The following ORC5 variants were observed in gnomAD, a reference collection of about 807,000 sequenced individuals.
ORC5 encodes origin recognition complex subunit 5.
ORC5 carries 39 observed loss-of-function variants against 58.8 expected under a neutral mutation model. The ratio of observed to expected loss-of-function variants is 0.66; its 90% CI spans 0.51 to 0.87. The LOEUF is 0.87. Ranked by LOEUF, ORC5 falls within the 40% of genes least tolerant of loss-of-function variation. The pLI is 0.00. For synonymous variants in ORC5, 218 were observed against 177.6 expected, an observed-to-expected ratio of 1.23 and a Z score of -1.81; for missense variants, 493 against 506.3, an observed-to-expected ratio of 0.97 and a Z score of 0.25.
chr7:104,198,706 G>A (rs1203259432), intron 3 of ORC5, among the ~76,000 whole-genome samples: 2 of 152,230 alleles, frequency 1.3e-5, no homozygotes, highest in African/African-American at 4.8e-5. Context: ...ATTTTCTGGG[G>A]AGAAATTCAA....
chr7:104,172,753 A>C (rs1422455886), intron 8 of ORC5, among the ~76,000 whole-genome samples: 1 of 152,216 alleles, frequency 6.6e-6, no homozygotes, highest in Non-Finnish European at 1.5e-5. Flanking sequence ...CTAAGTTCAC[A>C]TACGGCAGAC....
chr7:104,199,465 T>C (rs1799881001), intron 3 of ORC5, among the ~76,000 whole-genome samples: 1 of 152,234 alleles, frequency 6.6e-6, no homozygotes, highest in Non-Finnish European at 1.5e-5. Context: ...GTGGGCTGGA[T>C]GTGAGGCATG....
At position 104,126,752 on chromosome 7, in the gene ORC5, G is replaced by T; in HGVS notation, c.*96C>A. On this transcript the variant is annotated 3_prime_UTR_variant, in exon 14 of 14. Coordinates refer to ENST00000297431, the MANE Select transcript of ORC5 (RefSeq NM_002553.4). ...CACCTGTTTGGACAAATCCAATAGAGCCAAAGAACTCCTCTCCTTGGCCAG... is the reference window on the plus strand; with the variant it reads ...CACCTGTTTGGACAAATCCAATAGATCCAAAGAACTCCTCTCCTTGGCCAG... 1 of 833,022 alleles carries T rather than the reference G, an allele frequency of 1.2e-6. No individual in the cohort carries two copies. Among genetic ancestry groups the T allele is most frequent in the Non-Finnish European group, 1.9e-6 (1 of 515,834 alleles). The allele number at this position is 833,022 out of a possible 1,614,324, so 51.6% of individuals were successfully genotyped here.
At chr7:104,198,886 C>T (rs1370743089) in intron 3 of ORC5, among the ~76,000 whole-genome samples, 4 of 152,188 alleles carry the variant, frequency 2.6e-5, no homozygotes, top group Non-Finnish European at 5.9e-5. Context: ...TGTGCAGTCT[C>T]GGAACTTGGT....
At chr7:104,173,838 A>ATTTTTTTTT (rs746698932) in intron 8 of ORC5, among the ~76,000 whole-genome samples, 4 of 122,754 alleles carry the variant, frequency 3.3e-5, no homozygotes, top group Non-Finnish European at 5.3e-5. Context: ...TGGGTTTAAA[A>ATTTTTTTTT]TTTTTTCTTT....
intron 12 of ORC5, among the ~76,000 whole-genome samples, chr7:104,159,203 C>G (rs1459196515): frequency 1.3e-5 from 2 of 149,816 alleles, no homozygotes; most frequent in Admixed American, 1.3e-4. Flanking sequence ...TTGAAATCAT[C>G]ATTCTCAGTA....
At chr7:104,156,961 A>C (rs1233554941) in intron 12 of ORC5, among the ~76,000 whole-genome samples, 1 of 151,984 alleles carries the variant, frequency 6.6e-6, no homozygotes, top group African/African-American at 2.4e-5. Flanking sequence ...CAGAATGCAA[A>C]AACATTGCCA....
At chr7:104,187,036 C>T (rs1438132085) in intron 6 of ORC5, among the ~76,000 whole-genome samples, 1 of 152,142 alleles carries the variant, frequency 6.6e-6, no homozygotes, top group African/African-American at 2.4e-5. Flanking sequence ...TTATAATCTA[C>T]TTTGAAATGG....
At chr7:104,175,273 T>TA (rs1277582978) in intron 8 of ORC5, among the ~76,000 whole-genome samples, 14 of 152,096 alleles carry the variant, frequency 9.2e-5, no homozygotes, top group Admixed American at 6.5e-4. Flanking sequence ...TAAACTTATT[T>TA]AAAAAAACTG....
intron 5 of ORC5, among the ~76,000 whole-genome samples, chr7:104,193,351 A>G: frequency 6.6e-6 from 1 of 152,128 alleles, no homozygotes; most frequent in African/African-American, 2.4e-5. Flanking sequence ...CTGAAATTTC[A>G]GATTGTTATC....
At chr7:104,162,613 A>AG (rs1199409635) in intron 11 of ORC5, among the ~76,000 whole-genome samples, 1 of 152,230 alleles carries the variant, frequency 6.6e-6, no homozygotes, top group East Asian at 1.9e-4. Flanking sequence ...GCTAGAAATT[A>AG]TTTTCCAGGT....
chr7:104,150,545 CA>C (rs370761551), intron 12 of ORC5, among the ~76,000 whole-genome samples: 18,148 of 128,520 alleles, frequency 0.14, 2,916 homozygotes, highest in African/African-American at 0.4. Context: ...ATTTTCATTT[CA>C]AAAAAAAAAA....
chr7:104,187,833 T>C, intron 6 of ORC5: 2 of 987,198 alleles, frequency 2.0e-6, no homozygotes, highest in Non-Finnish European at 2.4e-6. Flanking sequence ...ATCTAGATTC[T>C]AGACCTCAAT....
At chr7:104,165,400 A>C in intron 10 of ORC5, 118 bp from the exon 11 acceptor site, 1 of 622,774 alleles carries the variant, frequency 1.6e-6, no homozygotes, top group Non-Finnish European at 2.8e-6. Flanking sequence ...AGGTTTTTAA[A>C]TAGTTATTCT....
chr7:104,157,903 G>A (rs1255575841), intron 12 of ORC5, among the ~76,000 whole-genome samples: 1 of 152,016 alleles, frequency 6.6e-6, no homozygotes, highest in African/African-American at 2.4e-5. Context: ...ACAGTTCACA[G>A]GTATGCCTTG....
rs34994380 is a variant in ORC5, at chr7:104,194,099, CTTT to C, written c.553+1041_553+1043del. 6.1e-3 allele frequency among the ~76,000 whole-genome samples: 809 copies of C among 133,002 alleles called. 8 individuals are homozygous for C. The highest frequency in any genetic ancestry group is 0.021 in the African/African-American group (759 of 36,192). 87.3% of individuals were successfully genotyped at this position (133,002 alleles called of 152,430 possible). A position where few individuals can be genotyped will look rare whatever the true frequency, so the allele number is the denominator to read the frequency against. On this transcript the variant is annotated intron_variant, in intron 5 of 13. Transcript: ENST00000297431. Reference sequence around the variant, plus strand: ...AACAGTGCTGACACAGGTACAGAGCCTTTTTTTTTTTTTTTTAAATAAAATCCT... The same window carrying C: ...AACAGTGCTGACACAGGTACAGAGCCTTTTTTTTTTTTTAAATAAAATCCT...
chr7:104,197,633 A>T lies in ORC5; in HGVS notation c.441+92T>A, dbSNP rs185891653. On this transcript the variant is annotated intron_variant, in intron 4 of 13. Coordinates refer to ENST00000297431, the MANE Select transcript of ORC5 (RefSeq NM_002553.4). ...AAACTAAAATTATATTAAAATACTA[A>T]TTCTCACCTATCAAATAGCAAAATG... 5.5e-6 allele frequency: 4 copies of T among 723,926 alleles called. No individual in the cohort carries two copies. In the Admixed American group the frequency reaches 1.3e-4, roughly 23 times the overall value. The allele number at this position is 723,926 out of a possible 1,614,324, so 44.8% of individuals were successfully genotyped here. A position where few individuals can be genotyped will look rare whatever the true frequency, so the allele number is the denominator to read the frequency against.
chr7:104,157,330 G>GTA (rs1798943036), intron 12 of ORC5, among the ~76,000 whole-genome samples: 2 of 151,910 alleles, frequency 1.3e-5, no homozygotes, highest in Admixed American at 1.3e-4. Context: ...CCGACCCTTT[G>GTA]TATACCCAAT....
Position 104,187,544 on chromosome 7 carries a change from T to C in ORC5, c.684+707A>G, listed in dbSNP as rs536460845. 1.5e-4 allele frequency: 24 copies of C among 161,276 alleles called. 2 individuals are homozygous for C. The South Asian group carries it at 3.6e-3, about 24-fold the overall frequency. The allele number at this position is 161,276 out of a possible 1,614,324, so 10.0% of individuals were successfully genotyped here. ...TTTTCCAGCCTCAGATATATTACTATTTTCTGTTAAATGGAGATAAGATCT... is the reference window on the plus strand; with the variant it reads ...TTTTCCAGCCTCAGATATATTACTACTTTCTGTTAAATGGAGATAAGATCT... On this transcript the variant is annotated intron_variant, in intron 6 of 13. Transcript: ENST00000297431.
Sources: gnomAD v4.1 joint callset for allele counts (sites outside exome capture counted in the v4.1 genomes callset) on GRCh38, gnomAD v4.1.1 for gene constraint, MANE v1.5 for transcripts, NCBI Gene and HGNC (gene_info 2026-07-23, HGNC 2026-07-21) for gene names.